Variants in KMT2C observed in about 807,000 individuals in gnomAD.
KMT2C encodes histone-lysine N-methyltransferase 2C.
A neutral mutation model predicts 507.9 loss-of-function variants in KMT2C; 88 were observed. The ratio of observed to expected loss-of-function variants is 0.17; its 90% CI spans 0.15 to 0.21. The LOEUF (loss-of-function observed/expected upper bound fraction) is 0.21, where lower values mean the gene tolerates loss of function less well. Ranked by LOEUF, KMT2C falls within the 10% of genes least tolerant of loss-of-function variation. KMT2C has a pLI of 1.00. For missense variants in KMT2C, 4,954 were observed against 5,957.8 expected (o/e 0.83, Z 5.55); for synonymous variants, 2,049 against 2,080.8 (o/e 0.98, Z 0.42).
chr7:152,424,689 G>T (rs1056246974), intron 1 of KMT2C, among the ~76,000 whole-genome samples: 1 of 152,168 alleles, frequency 6.6e-6, no homozygotes, highest in Non-Finnish European at 1.5e-5. Context: ...CTCCCAGAGT[G>T]CTGGGACTGC....
intron 3 of KMT2C, among the ~76,000 whole-genome samples, chr7:152,317,958 T>C (rs1026852609): frequency 3.3e-5 from 5 of 151,654 alleles, no homozygotes; most frequent in African/African-American, 1.2e-4. Context: ...GCCAACATGG[T>C]GAAACCCCGT....
chr7:152,201,627 A>AAAAAAAAAAAAAAAAAAAAAAAAC (rs2094146681), intron 26 of KMT2C, among the ~76,000 whole-genome samples: 1 of 143,796 alleles, frequency 7.0e-6, no homozygotes, highest in Non-Finnish European at 1.5e-5. Context: ...GAAAAAAAAA[A>AAAAAAAAAAAAAAAAAAAAAAAAC]AAAAAAAAAA....
chr7:152,209,409 T>C lies in KMT2C; in HGVS notation c.3713-1981A>G, dbSNP rs563764062. Among the ~76,000 whole-genome samples, 20 of 147,192 alleles carry C rather than the reference T, an allele frequency of 1.4e-4. No individual in the cohort carries two copies. The East Asian group carries it at 2.4e-3, about 18-fold the overall frequency. On this transcript the variant is annotated intron_variant, in intron 23 of 58. Transcript: ENST00000262189. ...GAGGCAGAGCTTGCAGTGAGCCGAA[T>C]TGGCACCACTGCACTCCACCCTGGG... is the stretch of plus-strand genomic sequence containing the variant.
At chr7:152,149,239 T>C in intron 51 of KMT2C, 87 bp from the exon 52 acceptor site, 4 of 1,306,496 alleles carry the variant, frequency 3.1e-6, no homozygotes, top group Non-Finnish European at 4.0e-6. Context: ...CTGAGCAGTA[T>C]GACTGAAGAG....
rs2093261444 is a variant in KMT2C, at chr7:152,177,639, G to A, written c.7814C>T (p.Thr2605Ile). The A allele has an allele frequency of 6.2e-7, 1 of 1,614,054 alleles. No homozygotes were observed. The highest frequency in any genetic ancestry group is 1.7e-5 in the Admixed American group (1 of 60,006). The change falls in exon 38 of 59, where the codon ACA becomes ATA. Residue 2605 changes from threonine (T) to isoleucine (I), a missense_variant. Physicochemically the swap from Thr to Ile is moderately conservative, Grantham distance 89. Coordinates refer to ENST00000262189, the MANE Select transcript of KMT2C (RefSeq NM_170606.3). ...CTGGGGAGGTCGTCGCATGGGGTCT[G>A]TGTGTCTAGGGCCCGGAAAGTCTGG... The part of the protein sequence containing the change: ...PRPDFPGPRH[T>I]DPMRRPPQGL...
chr7:152,178,154 T>A, intron 37 of KMT2C, 144 bp from the exon 38 acceptor site: 3 of 862,238 alleles, frequency 3.5e-6, no homozygotes, highest in Non-Finnish European at 4.7e-6. Flanking sequence ...AGCAAAGCTA[T>A]CACCATTAAA....
At chr7:152,288,688 T>C (rs575787933) in intron 6 of KMT2C, among the ~76,000 whole-genome samples, 16 of 152,140 alleles carry the variant, frequency 1.1e-4, no homozygotes, top group South Asian at 8.3e-4. Flanking sequence ...ATTCAAGAAA[T>C]TGAATAAATC....
chr7:152,210,221 A>G lies in KMT2C; in HGVS notation c.3713-2793T>C, dbSNP rs528464577. On this transcript the variant is annotated intron_variant, in intron 23 of 58. Transcript: ENST00000262189. The stretch of plus-strand genomic sequence containing the variant: ...CTGCAGTGGGGAACCTGAGCAGTTC[A>G]AGAAGAACATCTAAAGATACGGAAA... 5.9e-5 allele frequency among the ~76,000 whole-genome samples: 9 copies of G among 152,318 alleles called. No individual in the cohort carries two copies. In the East Asian group the frequency reaches 1.7e-3, roughly 29 times the overall value.
intron 1 of KMT2C, among the ~76,000 whole-genome samples, chr7:152,381,350 G>C (rs1265478789): frequency 3.3e-5 from 5 of 152,016 alleles, no homozygotes; most frequent in African/African-American, 1.2e-4. Context: ...GTTGTCACGG[G>C]GGCAGGGAGG....
intron 2 of KMT2C, among the ~76,000 whole-genome samples, chr7:152,332,384 G>A (rs2096892514): frequency 6.6e-6 from 1 of 152,090 alleles, no homozygotes; most frequent in African/African-American, 2.4e-5. Context: ...AATTTATTTA[G>A]ACCTTTCTGC....
chr7:152,349,921 C>T (rs1304455306), intron 2 of KMT2C, among the ~76,000 whole-genome samples: 2 of 152,092 alleles, frequency 1.3e-5, no homozygotes, highest in South Asian at 2.1e-4. Flanking sequence ...ACCTTCCTCA[C>T]AATTTTGCTA....
intron 3 of KMT2C, among the ~76,000 whole-genome samples, chr7:152,322,224 G>A (rs947812246): frequency 1.3e-4 from 19 of 151,728 alleles, no homozygotes; most frequent in African/African-American, 4.4e-4. Flanking sequence ...TAAGCCAGGG[G>A]TGGTAGTGAA....
chr7:152,177,669 G>A lies in KMT2C; in HGVS notation c.7784C>T (p.Pro2595Leu), dbSNP rs775427298. ...SSNLRHGNFI[P>L]RPDFPGPRHT... is the part of the protein sequence containing the mutation. ...TCTAGGGCCCGGAAAGTCTGGCCGGGGAATGAAGTTTCCATGTCTCAGATT... is the reference window on the plus strand; with the variant it reads ...TCTAGGGCCCGGAAAGTCTGGCCGGAGAATGAAGTTTCCATGTCTCAGATT... The change falls in exon 38 of 59, where the codon CCC becomes CTC. Residue 2595 changes from proline (P) to leucine (L), a missense_variant. This residue lies in a region of KMT2C where 1,689 missense variants were observed against 1,654.3 expected (regional missense o/e 1.02). Transcript: ENST00000262189. The A allele has an allele frequency of 6.2e-7, 1 of 1,614,096 alleles. No individual in the cohort carries two copies. Among genetic ancestry groups the A allele is most frequent in the Non-Finnish European group, 8.5e-7 (1 of 1,180,012 alleles).
chr7:152,266,234 T>A (rs113970914), intron 7 of KMT2C, among the ~76,000 whole-genome samples: 1 of 151,982 alleles, frequency 6.6e-6, no homozygotes, highest in African/African-American at 2.4e-5. Flanking sequence ...TCACAAAGTA[T>A]ATGAACCTTT....
intron 2 of KMT2C, among the ~76,000 whole-genome samples, chr7:152,335,656 A>G (rs1238772360): frequency 1.3e-5 from 2 of 152,174 alleles, no homozygotes; most frequent in Non-Finnish European, 2.9e-5. Context: ...TAACAGTTTC[A>G]GCTTTTTCCT....
intron 23 of KMT2C, among the ~76,000 whole-genome samples, chr7:152,218,363 C>T (rs2094645162): frequency 6.6e-6 from 1 of 152,158 alleles, no homozygotes; most frequent in East Asian, 1.9e-4. Context: ...GAGGTTTTAC[C>T]ATGTTGGCCA....
chr7:152,396,035 A>G (rs913943016), intron 1 of KMT2C, among the ~76,000 whole-genome samples: 2 of 152,200 alleles, frequency 1.3e-5, no homozygotes, highest in African/African-American at 4.8e-5. Flanking sequence ...CAGAAGACTG[A>G]GCTACAAAAA....
chr7:152,162,377 G>C lies in KMT2C; in HGVS notation c.11200C>G (p.Pro3734Ala). 6.2e-7 allele frequency: 1 copy of C among 1,614,180 alleles called. No homozygotes were observed. Among genetic ancestry groups the C allele is most frequent in the Non-Finnish European group, 8.5e-7 (1 of 1,180,036 alleles). ...CTACCATTCTGTTCCTCCAATTTAG[G>C]CTCCTCTTGGCCTGGGCAGGACTCT... ...ETESCPGQEE[P>A]KLEEQNGSKV... Residue 3734 changes from proline to alanine, a missense_variant, in exon 43 of 59, where the codon CCT (proline) becomes GCT (alanine). This residue lies in a region of KMT2C where 801 missense variants were observed against 751.2 expected (regional missense o/e 1.07). Transcript: ENST00000262189.
At chr7:152,174,821 G>A (rs1323817425) in intron 38 of KMT2C, among the ~76,000 whole-genome samples, 1 of 152,104 alleles carries the variant, frequency 6.6e-6, no homozygotes, top group African/African-American at 2.4e-5. Flanking sequence ...ATTCTTAGAG[G>A]CACTGAGGCA....
Sources: allele counts gnomAD v4.1 joint callset (sites outside exome capture counted in the v4.1 genomes callset), GRCh38; gene constraint gnomAD v4.1.1; regional missense constraint gnomAD v4.1.1; transcripts MANE v1.5; gene names NCBI Gene and HGNC (gene_info 2026-07-23, HGNC 2026-07-21).